Variants in KIF18A observed in about 807,000 individuals in gnomAD.
The protein encoded by KIF18A is kinesin family member 18A.
A neutral mutation model predicts 103.3 loss-of-function variants in KIF18A; 67 were observed. The ratio of observed to expected loss-of-function variants is 0.65; its 90% CI spans 0.53 to 0.79. KIF18A has a LOEUF of 0.79. Among genes scored for constraint, KIF18A ranks in the 30% least tolerant of loss-of-function variants. KIF18A has a pLI of 0.00. For missense variants in KIF18A, 1,032 were observed against 1,062.5 expected, an observed-to-expected ratio of 0.97 and a Z score of 0.40; for synonymous variants, 367 against 355.5, an observed-to-expected ratio of 1.03 and a Z score of -0.36.
chr11:28,083,931 G>A (rs937333553), intron 7 of KIF18A, among the ~76,000 whole-genome samples: 1 of 152,038 alleles, frequency 6.6e-6, no homozygotes, highest in African/African-American at 2.4e-5. Context: ...TAAGGAGAGT[G>A]GCAGAGGGGA....
Position 28,036,252 on chromosome 11 carries a change from T to C in KIF18A, c.2361A>G (p.Glu787=), listed in dbSNP as rs1850487297. ...KSSKCKLPEQ[E]SLPNDNKDIL... ...TGTCTTTGTTATCATTTGGTAGTGATTCTTGTTCGGGTAATTTACACTTCG... is the reference window on the plus strand; with the variant it reads ...TGTCTTTGTTATCATTTGGTAGTGACTCTTGTTCGGGTAATTTACACTTCG... Residue 787 remains glutamate, a synonymous_variant, in exon 14 of 17, where the codon GAA becomes GAG. Coordinates refer to ENST00000263181, the MANE Select transcript of KIF18A (RefSeq NM_031217.4). 2 of 1,605,632 alleles carry C rather than the reference T, an allele frequency of 1.2e-6. No homozygotes were observed. The highest frequency in any genetic ancestry group is 1.7e-6 in the Non-Finnish European group (2 of 1,175,702).
rs111791257 is a variant in KIF18A at position 28,023,301 on chromosome 11, C to T, written c.2614+440G>A. Among the ~76,000 whole-genome samples the T allele has an allele frequency of 9.6e-3, 1,455 of 152,212 alleles. 13 individuals are homozygous for T. The highest frequency in any genetic ancestry group is 0.016 in the Non-Finnish European group (1,078 of 67,992). The stretch of plus-strand genomic sequence containing the variant: ...GTTACAATATGATTGTAACTAGATA[C>T]AGACTGGAATCTGTGTAGTAGTTAC... On this transcript the variant is annotated intron_variant, in intron 16 of 16. Transcript: ENST00000263181.
At chr11:28,095,708 T>C (rs1851359324) in intron 2 of KIF18A, among the ~76,000 whole-genome samples, 1 of 152,068 alleles carries the variant, frequency 6.6e-6, no homozygotes, top group South Asian at 2.1e-4. Flanking sequence ...TCTTCCAATG[T>C]ATAAAAAATC....
chr11:28,036,499 T>A lies in KIF18A; in HGVS notation c.2114A>T (p.Tyr705Phe). The A allele has an allele frequency of 6.2e-7, 1 of 1,611,382 alleles. No homozygotes were observed. Among genetic ancestry groups the A allele is most frequent in the Non-Finnish European group, 8.5e-7 (1 of 1,178,288 alleles). Reference protein sequence around the residue: ...SLSKELQPIVYTPEDCRKAFQ... With the variant: ...SLSKELQPIVFTPEDCRKAFQ... The stretch of plus-strand genomic sequence containing the variant: ...AGCTTTTCTACAGTCTTCTGGTGTA[T>A]ATACAATAGGCTGAAGTTCTTTGCT... Residue 705 changes from tyrosine (Y) to phenylalanine (F), a missense_variant, in exon 14 of 17, where the codon TAT becomes TTT. Tyr to Phe is a conservative substitution (Grantham distance 22). Coordinates refer to ENST00000263181, the MANE Select transcript of KIF18A (RefSeq NM_031217.4).
chr11:28,092,582 G>A lies in KIF18A; in HGVS notation c.484-1069C>T, dbSNP rs191197112. On this transcript the variant is annotated intron_variant, in intron 3 of 16. Coordinates refer to ENST00000263181, the MANE Select transcript of KIF18A (RefSeq NM_031217.4). ...CATTTCTATGTAGTACTAGTGACCC[G>A]ATTTTATGAATTTATTAAAGGTATA... Among the ~76,000 whole-genome samples, 16 of 152,076 alleles carry A rather than the reference G, an allele frequency of 1.1e-4. No homozygotes were observed. The East Asian group carries it at 3.1e-3, about 29-fold the overall frequency.
rs182228214 is a variant in KIF18A, at chr11:28,094,669, A to G, written c.457T>C (p.Cys153Arg). 2.5e-6 allele frequency: 4 copies of G among 1,612,264 alleles called. No individual in the cohort carries two copies. The East Asian group carries it at 6.7e-5, about 27-fold the overall frequency. The part of the protein sequence containing the change: ...CMDEIKEEKI[C>R]STAVSYLEVY... ...TCCAGATATGAAACTGCAGTACTAC[A>G]TATTTTCTCTTCTTTAATCTCATCC... The change falls in exon 3 of 17, where the codon TGT becomes CGT. Residue 153 changes from cysteine to arginine, a missense_variant. By Grantham distance (180) the Cys-to-Arg change is radical (BLOSUM62 -3). Transcript: ENST00000263181.
intron 13 of KIF18A, among the ~76,000 whole-genome samples, chr11:28,038,967 T>C (rs1850526857): frequency 1.3e-5 from 2 of 151,600 alleles, no homozygotes; most frequent in African/African-American, 4.8e-5. Context: ...TCTTTTCCCA[T>C]GAGAGGCAGC....
rs761465350 is a variant in KIF18A at position 28,069,312 on chromosome 11, G to A, written c.1537C>T (p.His513Tyr). The stretch of plus-strand genomic sequence containing the variant: ...AGTCCCATTTCTTTTTCGACACGAT[G>A]GAGCCAATTAGTATTCTCATCAAAT... ...KQFDENTNWL[H>Y]RVEKEMGLLS... Residue 513 changes from histidine (H) to tyrosine (Y), a missense_variant, in exon 11 of 17, where the codon CAT becomes TAT. Transcript: ENST00000263181. 1.2e-6 allele frequency: 2 copies of A among 1,613,424 alleles called. No individual in the cohort carries two copies. The highest frequency in any genetic ancestry group is 4.5e-5 in the East Asian group (2 of 44,814).
At chr11:28,066,744 G>A (rs986779699) in intron 11 of KIF18A, among the ~76,000 whole-genome samples, 2 of 150,228 alleles carry the variant, frequency 1.3e-5, no homozygotes, top group East Asian at 1.9e-4. Context: ...AGGCATCTAT[G>A]ACCCCCAAAA....
At chr11:28,075,814 C>T (rs990269989) in intron 10 of KIF18A, among the ~76,000 whole-genome samples, 1 of 152,126 alleles carries the variant, frequency 6.6e-6, no homozygotes. Context: ...CTAGTGGTAT[C>T]ATTGGTTTGA....
rs757641085 is a variant in KIF18A, at chr11:28,084,821, A to G, written c.898-13T>C. 2 of 1,601,530 alleles carry G rather than the reference A, an allele frequency of 1.2e-6. No individual in the cohort carries two copies. Among genetic ancestry groups the G allele is most frequent in the Non-Finnish European group, 1.7e-6 (2 of 1,170,904 alleles). On this transcript the variant is annotated splice_polypyrimidine_tract_variant and intron_variant, in intron 6 of 16. Coordinates refer to ENST00000263181, the MANE Select transcript of KIF18A (RefSeq NM_031217.4). ...GCTGATTCTTTCTCTGAAAGCACAA[A>G]AAAGAGATCTTATGTCATTTTCCAC... is the stretch of plus-strand genomic sequence containing the variant.
intron 15 of KIF18A, among the ~76,000 whole-genome samples, chr11:28,032,782 G>A (rs1346279008): frequency 1.3e-5 from 2 of 151,746 alleles, no homozygotes; most frequent in Admixed American, 1.3e-4. Flanking sequence ...AAACATTGGG[G>A]AAACTCTCCA....
At chr11:28,071,661 AT>A (rs1183545118) in intron 10 of KIF18A, among the ~76,000 whole-genome samples, 2 of 151,976 alleles carry the variant, frequency 1.3e-5, no homozygotes, top group Admixed American at 1.3e-4. Context: ...GTCCTAAATA[AT>A]TTTTAAAAGC....
rs757474207 is a variant in KIF18A, at chr11:28,097,706, T to G, written c.242A>C (p.Asp81Ala). The change falls in exon 2 of 17, where the codon GAT (aspartate) becomes GCT (alanine). Residue 81 changes from aspartate (D) to alanine (A), a missense_variant. Transcript: ENST00000263181. ...DLKFVFDAVF[D>A]ETSTQSEVFE... is the part of the protein sequence containing the mutation. ...AACTTCTGACTGAGTTGACGTTTCA[T>G]CAAAAACAGCATCAAATACAAATTT... is the stretch of plus-strand genomic sequence containing the variant. 8 of 1,611,418 alleles carry G rather than the reference T, an allele frequency of 5.0e-6. No individual in the cohort carries two copies. In the East Asian group the frequency reaches 1.8e-4, roughly 36 times the overall value.
chr11:28,035,019 A>G (rs1394256144), intron 15 of KIF18A, among the ~76,000 whole-genome samples: 1 of 151,732 alleles, frequency 6.6e-6, no homozygotes, highest in East Asian at 1.9e-4. Flanking sequence ...TTAAAATAAC[A>G]TAATTCTATG....
At position 28,029,655 on chromosome 11, in the gene KIF18A, A is replaced by G. The variant is rs573250614; in HGVS notation, c.2504+5732T>C. 3.9e-5 allele frequency among the ~76,000 whole-genome samples: 6 copies of G among 152,116 alleles called. No homozygotes were observed. In the East Asian group the frequency reaches 7.7e-4, roughly 20 times the overall value. On this transcript the variant is annotated intron_variant, in intron 15 of 16. Coordinates refer to ENST00000263181, the MANE Select transcript of KIF18A (RefSeq NM_031217.4). Reference sequence around the variant, plus strand: ...TGCCCTCTCTCACCACTCCTACTCAATATAGTGTGGGAAGTTCTGGCCAGG... The same window carrying G: ...TGCCCTCTCTCACCACTCCTACTCAGTATAGTGTGGGAAGTTCTGGCCAGG...
At chr11:28,038,480 G>A (rs189833001) in intron 13 of KIF18A, among the ~76,000 whole-genome samples, 2 of 151,632 alleles carry the variant, frequency 1.3e-5, no homozygotes, top group Admixed American at 6.6e-5. Flanking sequence ...TTCCATTCAC[G>A]TTGTCTAATC....
intron 1 of KIF18A, among the ~76,000 whole-genome samples, chr11:28,103,511 C>T (rs899239594): frequency 3.3e-5 from 5 of 151,958 alleles, no homozygotes; most frequent in African/African-American, 4.8e-5. Flanking sequence ...TTATATGATA[C>T]GGAAAGTCTT....
intron 12 of KIF18A, among the ~76,000 whole-genome samples, chr11:28,061,349 C>T (rs1335956180): frequency 6.6e-6 from 1 of 152,086 alleles, no homozygotes; most frequent in Non-Finnish European, 1.5e-5. Flanking sequence ...CCTCTTTCTT[C>T]TATGCTACAT....
Sources: gnomAD v4.1 joint callset for allele counts (sites outside exome capture counted in the v4.1 genomes callset) on GRCh38, gnomAD v4.1.1 for gene constraint, MANE v1.5 for transcripts, NCBI Gene and HGNC (gene_info 2026-07-23, HGNC 2026-07-21) for gene names.